The following USP36 variants were observed in gnomAD, a reference collection of about 807,000 sequenced individuals.
The protein encoded by USP36 is ubiquitin specific peptidase 36, also known as ubiquitin carboxyl-terminal hydrolase 36.
Under a neutral mutation model 111.5 loss-of-function variants are expected in USP36, and 59 were observed. The ratio of observed to expected loss-of-function variants is 0.53; its 90% confidence interval spans 0.43 to 0.66. USP36 has a LOEUF of 0.66. Among genes scored for constraint, USP36 ranks in the 30% least tolerant of loss-of-function variants. USP36 has a pLI of 0.00. For synonymous variants in USP36, 628 were observed against 581.0 expected (o/e 1.08, Z -1.16); for missense variants, 1,488 against 1,468.0 (o/e 1.01, Z -0.22).
At chr17:78,792,713 GT>G (rs200048059), downstream of USP36, among the ~76,000 whole-genome samples, 2 of 151,766 alleles carry the variant, frequency 1.3e-5, no homozygotes, top group Admixed American at 6.6e-5. Context: ...CCCCGGGAAG[GT>G]TTTTTTTGTT....
intron 17 of USP36, among the ~76,000 whole-genome samples, chr17:78,801,420 G>C (rs2093740037): frequency 1.3e-5 from 2 of 152,198 alleles, no homozygotes; most frequent in Admixed American, 1.3e-4. Context: ...CAGTCTCTAA[G>C]GTCCTGCTGA....
At chr17:78,835,252 C>A in intron 4 of USP36, 28 bp downstream of exon 4, 1 of 1,608,008 alleles carries the variant, frequency 6.2e-7, no homozygotes, top group Non-Finnish European at 8.5e-7. Flanking sequence ...GACCCACAGC[C>A]ACCCCACTGC....
chr17:78,824,969 A>G (rs974460482), intron 6 of USP36, among the ~76,000 whole-genome samples: 4 of 152,242 alleles, frequency 2.6e-5, no homozygotes, highest in Non-Finnish European at 5.9e-5. Context: ...TGAAGACATG[A>G]CAGTTACGAA....
In USP36 at chr17:78,796,664, G is replaced by T. The variant is rs1228463765; in HGVS notation, c.*1236C>A. 1.3e-5 allele frequency: 2 copies of T among 152,328 alleles called. No homozygotes were observed. Among genetic ancestry groups the T allele is most frequent in the Non-Finnish European group, 2.9e-5 (2 of 68,088 alleles). The allele number at this position is 152,328 out of a possible 1,614,324, so 9.4% of individuals were successfully genotyped here. A position where few individuals can be genotyped will look rare whatever the true frequency, so the allele number is the denominator to read the frequency against. Reference sequence around the variant, plus strand: ...AGCAAAGCTGCCCCAGGGAGAGGGGGTGCAGACAGCGAGGCAGCCACCCGG... The same window carrying T: ...AGCAAAGCTGCCCCAGGGAGAGGGGTTGCAGACAGCGAGGCAGCCACCCGG... On this transcript the variant is annotated 3_prime_UTR_variant, in exon 21 of 21. Transcript: ENST00000449938.
At chr17:78,822,993 T>C (rs2094366974) in intron 6 of USP36, 2 of 397,168 alleles carry the variant, frequency 5.0e-6, no homozygotes, top group Non-Finnish European at 8.9e-6. Flanking sequence ...CGGGGCTGTT[T>C]CCAGGGCTCT....
At chr17:78,816,590 C>T (rs147255799) in intron 10 of USP36, among the ~76,000 whole-genome samples, 3 of 151,846 alleles carry the variant, frequency 2.0e-5, no homozygotes, top group East Asian at 1.9e-4. Context: ...GGTGCCACTG[C>T]ACTCTAGCCT....
rs550067651 is a variant in USP36, at chr17:78,836,150, G to A, written c.214C>T (p.Arg72Cys). ...GGTGGGTCATCTCCACTCTTGTGGCGACTAGCTCCCTCTGTTTTGGGGTTG... is the reference window on the plus strand; with the variant it reads ...GGTGGGTCATCTCCACTCTTGTGGCAACTAGCTCCCTCTGTTTTGGGGTTG... ...LLNPKTEGAS[R>C]HKSGDDPPAR... The change falls in exon 3 of 21, where the codon CGC (arginine) becomes TGC (cysteine). Residue 72 changes from arginine (R) to cysteine (C), a missense_variant. Transcript: ENST00000449938. The A allele has an allele frequency of 2.4e-5, 39 of 1,613,894 alleles. No homozygotes were observed. Among genetic ancestry groups the A allele is most frequent in the Admixed American group, 1.0e-4 (6 of 60,010 alleles).
downstream of USP36, among the ~76,000 whole-genome samples, chr17:78,792,909 T>A (rs1442975218): frequency 6.6e-6 from 1 of 152,052 alleles, no homozygotes; most frequent in Non-Finnish European, 1.5e-5. Context: ...AGAGACAGGG[T>A]TTCACCATGT....
intron 13 of USP36, among the ~76,000 whole-genome samples, chr17:78,809,108 C>G (rs936317711): frequency 6.6e-6 from 1 of 152,232 alleles, no homozygotes; most frequent in Non-Finnish European, 1.5e-5. Context: ...AAGTGATCTT[C>G]ATTTGAATGA....
At position 78,803,837 on chromosome 17, in the gene USP36, C is replaced by T. The variant is rs757747598; in HGVS notation, c.2358G>A (p.Gln786=). ...SCSSISTALP[Q]VNEDLVSLPH... The stretch of plus-strand genomic sequence containing the variant: ...GAAGAGACACAAGGTCCTCGTTGAC[C>T]TGAGGCAGCGCCGTCGAGATGGAGG... Residue 786 remains glutamine, a synonymous_variant, in exon 16 of 21, where the codon CAG becomes CAA. Transcript: ENST00000449938. This position sits in a 1 kb window ranked among gnomAD's most constrained non-coding sequence, Gnocchi z 4.6. 1.2e-5 allele frequency: 19 copies of T among 1,612,080 alleles called. No homozygotes were observed. In the African/African-American group the frequency reaches 1.3e-4, roughly 11 times the overall value.
rs775130762 is a variant in USP36, at chr17:78,803,755, T to C, written c.2440A>G (p.Lys814Glu). ...CTCTGCGGCTCTCCCACAAAGGTCTTTTTCCTCTTCTCAGAGGGGCTCTGG... is the reference window on the plus strand; with the variant it reads ...CTCTGCGGCTCTCCCACAAAGGTCTCTTTCCTCTTCTCAGAGGGGCTCTGG... Reference protein sequence around the residue: ...PPQSPSEKRKKTFVGEPQRLG... With the variant: ...PPQSPSEKRKETFVGEPQRLG... Residue 814 changes from lysine to glutamate, a missense_variant, in exon 16 of 21, where the codon AAG becomes GAG. Around this residue, in one of 3 missense-constraint regions of USP36, gnomAD observed 1,073 missense variants for 994.1 expected, o/e 1.08. Transcript: ENST00000449938. This position sits in a 1 kb window ranked among gnomAD's most constrained non-coding sequence, Gnocchi z 4.6. 18 of 1,612,530 alleles carry C rather than the reference T, an allele frequency of 1.1e-5. No homozygotes were observed. Among genetic ancestry groups the C allele is most frequent in the Non-Finnish European group, 1.5e-5 (18 of 1,179,950 alleles).
rs1166780813 is a variant in USP36 at position 78,803,335 on chromosome 17, C to T, written c.2810+50G>A. The T allele has an allele frequency of 3.2e-6, 5 of 1,561,830 alleles. No individual in the cohort carries two copies. Among genetic ancestry groups the T allele is most frequent in the Non-Finnish European group, 4.4e-6 (5 of 1,146,698 alleles). ...CTTGGGGGTAGATTCTGTGGTTTTG[C>T]TTTGTTTCTCGTCAGAGGTAGACAG... On this transcript the variant is annotated intron_variant, in intron 16 of 20. Coordinates refer to ENST00000449938, the MANE Select transcript of USP36 (RefSeq NM_001385174.1). The surrounding 1 kb of genome is among the most constrained non-coding windows in gnomAD (Gnocchi z 4.6).
At chr17:78,840,138 C>G (rs1367920201) in intron 1 of USP36, among the ~76,000 whole-genome samples, 4 of 152,192 alleles carry the variant, frequency 2.6e-5, no homozygotes, top group African/African-American at 9.7e-5. Context: ...TCTCCCCGAG[C>G]ATGGCTCCGT....
In USP36 at chr17:78,834,801, T is replaced by C. The variant is rs1217938758; in HGVS notation, c.475+479A>G. On this transcript the variant is annotated intron_variant, in intron 4 of 20. Coordinates refer to ENST00000449938, the MANE Select transcript of USP36 (RefSeq NM_001385174.1). ...CACGTTTTATAATACACATAAGATA[T>C]GCTGATACAACAACAGATGCATAAA... Among the ~76,000 whole-genome samples, 7 of 152,014 alleles carry C rather than the reference T, an allele frequency of 4.6e-5. 1 individual carries two copies. Among genetic ancestry groups the C allele is most frequent in the African/African-American group, 1.7e-4 (7 of 41,422 alleles).
At chr17:78,790,280 T>C (rs1401024938) in intron 3 of USP36, among the ~76,000 whole-genome samples, 2 of 151,258 alleles carry the variant, frequency 1.3e-5, no homozygotes, top group African/African-American at 2.4e-5. Flanking sequence ...AGTGGAGATA[T>C]GGTTTCTTTT....
At chr17:78,816,628 A>G (rs140695347) in intron 10 of USP36, among the ~76,000 whole-genome samples, 2,286 of 151,884 alleles carry the variant, frequency 0.015, 22 homozygotes, top group Non-Finnish European at 0.023. Flanking sequence ...TCCGTCTCAA[A>G]AAAAAAAACA....
At chr17:78,787,841 G>A (rs2093548289) in intron 3 of USP36, among the ~76,000 whole-genome samples, 1 of 152,220 alleles carries the variant, frequency 6.6e-6, no homozygotes, top group African/African-American at 2.4e-5. Flanking sequence ...GAGATCATTA[G>A]GGTGGGACCT....
chr17:78,801,124 C>T (rs947912915), intron 17 of USP36, among the ~76,000 whole-genome samples: 1 of 151,998 alleles, frequency 6.6e-6, no homozygotes, highest in Admixed American at 6.5e-5. Context: ...CTAGAGGCGC[C>T]CGCCACCATG....
intron 10 of USP36, 100 bp downstream of exon 10, chr17:78,818,567 A>C: frequency 2.0e-6 from 2 of 1,019,542 alleles, no homozygotes. Context: ...GGTACTGTGT[A>C]AACAGCAGCT....
Sources: allele counts gnomAD v4.1 joint callset (sites outside exome capture counted in the v4.1 genomes callset), GRCh38; gene constraint gnomAD v4.1.1; regional missense constraint gnomAD v4.1.1; non-coding constraint Gnocchi (gnomAD v3.1); transcripts MANE v1.5; gene names NCBI Gene and HGNC (gene_info 2026-07-23, HGNC 2026-07-21).